Variants in GIMAP1 observed in about 807,000 individuals in gnomAD.
The protein encoded by GIMAP1 is GTPase IMAP family member 1.
For synonymous variants in GIMAP1, 230 were observed against 187.7 expected, an observed-to-expected ratio of 1.23 and a Z score of -1.84; for missense variants, 423 against 411.9, an observed-to-expected ratio of 1.03 and a Z score of -0.23.
At chr7:150,716,943 T>C (rs894202387) in intron 1 of GIMAP1, among the ~76,000 whole-genome samples, 2 of 152,100 alleles carry the variant, frequency 1.3e-5, no homozygotes, top group African/African-American at 4.8e-5. Context: ...TCCTCCCACA[T>C]TCCCTTAACA....
chr7:150,722,844 T>C lies in GIMAP1; in HGVS notation c.*1919T>C, dbSNP rs1758903799. On this transcript the variant is annotated 3_prime_UTR_variant, in exon 3 of 3. Transcript: ENST00000307194. ...TCGTAACTTCCAGGTCGTGGGATTGTTGCTATGGAAAGGAGCCAAAACTTC... is the reference window on the plus strand; with the variant it reads ...TCGTAACTTCCAGGTCGTGGGATTGCTGCTATGGAAAGGAGCCAAAACTTC... 6.6e-6 allele frequency: 1 copy of C among 152,232 alleles called. No individual in the cohort carries two copies. The highest frequency in any genetic ancestry group is 2.1e-4 in the South Asian group (1 of 4,832). 9.4% of individuals were successfully genotyped at this position (152,232 alleles called of 1,614,324 possible).
rs1278457798 is a variant in GIMAP1 at position 150,721,894 on chromosome 7, C to A, written c.*969C>A. ...TGGTTATTCATATTTTTATCACACA[C>A]ACACACACACACACACACACACACA... On this transcript the variant is annotated 3_prime_UTR_variant, in exon 3 of 3. Coordinates refer to ENST00000307194, the MANE Select transcript of GIMAP1 (RefSeq NM_130759.4). The A allele has an allele frequency of 8.3e-6, 1 of 120,724 alleles. No homozygotes were observed. The highest frequency in any genetic ancestry group is 1.8e-5 in the Non-Finnish European group (1 of 54,622). The allele number at this position is 120,724 out of a possible 1,614,324, so 7.5% of individuals were successfully genotyped here.
rs1400728408 is a variant in GIMAP1, at chr7:150,721,038, A to C, written c.*113A>C. 1 of 1,059,504 alleles carries C rather than the reference A, an allele frequency of 9.4e-7. No individual in the cohort carries two copies. The highest frequency in any genetic ancestry group is 1.3e-6 in the Non-Finnish European group (1 of 783,064). 65.6% of individuals were successfully genotyped at this position (1,059,504 alleles called of 1,614,324 possible). On this transcript the variant is annotated 3_prime_UTR_variant, in exon 3 of 3. Transcript: ENST00000307194. ...ATCCTGTAGTTTCAGGCATAGTTTTAATGACACAGAAAACTTTGCTGCATC... is the reference window on the plus strand; with the variant it reads ...ATCCTGTAGTTTCAGGCATAGTTTTCATGACACAGAAAACTTTGCTGCATC...
At chr7:150,718,957 C>A in intron 1 of GIMAP1, 85 bp from the exon 2 acceptor site, 1 of 1,548,302 alleles carries the variant, frequency 6.5e-7, no homozygotes, top group Non-Finnish European at 8.9e-7. Context: ...GCCTGACACC[C>A]TGTAGGTGGT....
Position 150,720,556 on chromosome 7 carries a change from G to A in GIMAP1, c.552G>A (p.Arg184=). The A allele has an allele frequency of 6.2e-7, 1 of 1,613,246 alleles. No individual in the cohort carries two copies. Among genetic ancestry groups the A allele is most frequent in the Non-Finnish European group, 8.5e-7 (1 of 1,179,596 alleles). ...AGCTGGTGGCCGAGTGCGGGGGCCG[G>A]GTCTGTGCCTTTGATAACCGGGCCA... is the stretch of plus-strand genomic sequence containing the variant. ...LRELVAECGG[R]VCAFDNRATG... is the part of the protein sequence containing the mutation. Residue 184 remains arginine, a synonymous_variant, in exon 3 of 3, where the codon CGG becomes CGA. Coordinates refer to ENST00000307194, the MANE Select transcript of GIMAP1 (RefSeq NM_130759.4). This position sits in a 1 kb window ranked among gnomAD's most constrained non-coding sequence, Gnocchi z 4.5.
Position 150,723,112 on chromosome 7 carries a change from T to C in GIMAP1, c.*2187T>C, listed in dbSNP as rs1473287482. 1 of 152,218 alleles carries C rather than the reference T, an allele frequency of 6.6e-6. No individual in the cohort carries two copies. The highest frequency in any genetic ancestry group is 2.4e-5 in the African/African-American group (1 of 41,454). 9.4% of individuals were successfully genotyped at this position (152,218 alleles called of 1,614,324 possible). On this transcript the variant is annotated 3_prime_UTR_variant, in exon 3 of 3. Transcript: ENST00000307194. ...CCAATCTGAATCTCAAAATGTGCTA[T>C]CATCTTTGAATTTGAATAATGTATT...
Position 150,720,056 on chromosome 7 carries a change from G to C in GIMAP1, c.52G>C (p.Glu18Gln). ...AACACTTGGTCTCACAGGTTTAGAA[G>C]AGAACGCTCAGTCCCGGCAGGAGTC... ...TDEENVYGLEENAQSRQESTR... is the reference protein window; with the variant it reads ...TDEENVYGLEQNAQSRQESTR... The change falls in exon 3 of 3, where the codon GAG (glutamate) becomes CAG (glutamine). Residue 18 changes from glutamate to glutamine, a missense_variant. Coordinates refer to ENST00000307194, the MANE Select transcript of GIMAP1 (RefSeq NM_130759.4). The surrounding 1 kb of genome is among the most constrained non-coding windows in gnomAD (Gnocchi z 4.5). The C allele has an allele frequency of 6.3e-7, 1 of 1,593,848 alleles. No homozygotes were observed. The highest frequency in any genetic ancestry group is 8.6e-7 in the Non-Finnish European group (1 of 1,168,608).
In GIMAP1 at chr7:150,721,133, G is replaced by A. The variant is rs1269443301; in HGVS notation, c.*208G>A. On this transcript the variant is annotated 3_prime_UTR_variant, in exon 3 of 3. Transcript: ENST00000307194. ...TTAACTCATTTTAAATGATGTGTAT[G>A]CAGAGTTTTAAAATAAATTCGTCTA... is the stretch of plus-strand genomic sequence containing the variant. 2 of 446,362 alleles carry A rather than the reference G, an allele frequency of 4.5e-6. No homozygotes were observed. The highest frequency in any genetic ancestry group is 6.5e-5 in the South Asian group (1 of 15,270). The allele number at this position is 446,362 out of a possible 1,614,324, so 27.7% of individuals were successfully genotyped here. A position where few individuals can be genotyped will look rare whatever the true frequency, so the allele number is the denominator to read the frequency against.
rs765400874 is a variant in GIMAP1 at position 150,720,664 on chromosome 7, C to T, written c.660C>T (p.Tyr220=). The T allele has an allele frequency of 1.2e-6, 2 of 1,605,868 alleles. No individual in the cohort carries two copies. The highest frequency in any genetic ancestry group is 1.7e-6 in the Non-Finnish European group (2 of 1,176,052). ...TGCTGGAGCACAAGGGCGCCCATTACTCCAACGAGGTGTATGAGCTGGCGC... is the reference window on the plus strand; with the variant it reads ...TGCTGGAGCACAAGGGCGCCCATTATTCCAACGAGGTGTATGAGCTGGCGC... ...GLVLEHKGAH[Y]SNEVYELAQV... is the part of the protein sequence containing the mutation. The change falls in exon 3 of 3, where the codon TAC becomes TAT. Residue 220 remains tyrosine (Y), a synonymous_variant. Coordinates refer to ENST00000307194, the MANE Select transcript of GIMAP1 (RefSeq NM_130759.4). This position sits in a 1 kb window ranked among gnomAD's most constrained non-coding sequence, Gnocchi z 4.5.
rs1208024658 is a variant in GIMAP1 at position 150,723,602 on chromosome 7, TC to T, written c.*2682del. 1 of 152,170 alleles carries T rather than the reference TC, an allele frequency of 6.6e-6. No individual in the cohort carries two copies. The highest frequency in any genetic ancestry group is 2.4e-5 in the African/African-American group (1 of 41,420). 9.4% of individuals were successfully genotyped at this position (152,170 alleles called of 1,614,324 possible). A position where few individuals can be genotyped will look rare whatever the true frequency, so the allele number is the denominator to read the frequency against. On this transcript the variant is annotated 3_prime_UTR_variant, in exon 3 of 3. Transcript: ENST00000307194. Reference sequence around the variant, plus strand: ...AGGCTGTGGCTTAAAGGTTGCTTTTTCCCCCATAGCTCAAGGTTAGGCCTTG... The same window carrying T: ...AGGCTGTGGCTTAAAGGTTGCTTTTTCCCCATAGCTCAAGGTTAGGCCTTG...
At chr7:150,716,960 G>A (rs1797225700) in intron 1 of GIMAP1, among the ~76,000 whole-genome samples, 1 of 152,122 alleles carries the variant, frequency 6.6e-6, no homozygotes, top group Non-Finnish European at 1.5e-5. Flanking sequence ...AACAAAGTAA[G>A]AAAAGAGTGT....
chr7:150,720,858 C>A lies in GIMAP1; in HGVS notation c.854C>A (p.Ala285Glu). The change falls in exon 3 of 3, where the codon GCG (alanine) becomes GAG (glutamate). Residue 285 changes from alanine (A) to glutamate (E), a missense_variant. Ala to Glu is a moderately radical substitution (Grantham distance 107). Coordinates refer to ENST00000307194, the MANE Select transcript of GIMAP1 (RefSeq NM_130759.4). The surrounding 1 kb of genome is among the most constrained non-coding windows in gnomAD (Gnocchi z 4.5). ...GGCCTGGCCCTGCTGCTGGGGGGCG[C>A]GCTCCTGTTCTGGGTGCTGCTCCAC... ...RLGLALLLGG[A>E]LLFWVLLHRR... 1 of 1,605,138 alleles carries A rather than the reference C, an allele frequency of 6.2e-7. No homozygotes were observed. The highest frequency in any genetic ancestry group is 8.5e-7 in the Non-Finnish European group (1 of 1,178,700).
chr7:150,723,473 G>T lies in GIMAP1; in HGVS notation c.*2548G>T, dbSNP rs1797336856. ...AAATTTACTTCCCTTCAAGCACAGG[G>T]TCCCCCAAATTACTGTATTTCCACC... is the stretch of plus-strand genomic sequence containing the variant. On this transcript the variant is annotated 3_prime_UTR_variant, in exon 3 of 3. Coordinates refer to ENST00000307194, the MANE Select transcript of GIMAP1 (RefSeq NM_130759.4). 1.3e-5 allele frequency: 2 copies of T among 152,056 alleles called. No individual in the cohort carries two copies. Among genetic ancestry groups the T allele is most frequent in the Admixed American group, 6.5e-5 (1 of 15,268 alleles). 9.4% of individuals were successfully genotyped at this position (152,056 alleles called of 1,614,324 possible).
In GIMAP1 at chr7:150,722,135, A is replaced by G. The variant is rs1476451301; in HGVS notation, c.*1210A>G. 1 of 152,188 alleles carries G rather than the reference A, an allele frequency of 6.6e-6. No homozygotes were observed. Among genetic ancestry groups the G allele is most frequent in the African/African-American group, 2.4e-5 (1 of 41,446 alleles). 9.4% of individuals were successfully genotyped at this position (152,188 alleles called of 1,614,324 possible). On this transcript the variant is annotated 3_prime_UTR_variant, in exon 3 of 3. Coordinates refer to ENST00000307194, the MANE Select transcript of GIMAP1 (RefSeq NM_130759.4). ...CAAACAATAGGATTTCCTTATTTCT[A>G]TTTCTGAGCATAATGAGAACCCTTT...
chr7:150,718,056 G>C (rs548124703), intron 1 of GIMAP1, among the ~76,000 whole-genome samples: 1 of 150,320 alleles, frequency 6.7e-6, no homozygotes, highest in Non-Finnish European at 1.5e-5. Context: ...ACAGATGGTC[G>C]GGGAGGATCA....
intron 2 of GIMAP1, 75 bp from the exon 3 acceptor site, chr7:150,719,973 T>C: frequency 6.7e-7 from 1 of 1,490,774 alleles, no homozygotes; most frequent in East Asian, 2.3e-5. Flanking sequence ...CCACTTATGC[T>C]AAAGGCAAGA....
chr7:150,716,747 C>G (rs1450447565), intron 1 of GIMAP1, 57 bp downstream of exon 1: 3 of 152,206 alleles, frequency 2.0e-5, no homozygotes, highest in Non-Finnish European at 4.4e-5. Context: ...CCAGAAAGAA[C>G]ATGATTCCTA....
chr7:150,720,857 G>C lies in GIMAP1; in HGVS notation c.853G>C (p.Ala285Pro), dbSNP rs763031437. The change falls in exon 3 of 3, where the codon GCG becomes CCG. Residue 285 changes from alanine to proline, a missense_variant. Transcript: ENST00000307194. This position sits in a 1 kb window ranked among gnomAD's most constrained non-coding sequence, Gnocchi z 4.5. The stretch of plus-strand genomic sequence containing the variant: ...GGGCCTGGCCCTGCTGCTGGGGGGC[G>C]CGCTCCTGTTCTGGGTGCTGCTCCA... ...RLGLALLLGGALLFWVLLHRR... is the reference protein window; with the variant it reads ...RLGLALLLGGPLLFWVLLHRR... 8.2e-5 allele frequency: 131 copies of C among 1,605,648 alleles called. No individual in the cohort carries two copies. The highest frequency in any genetic ancestry group is 1.1e-4 in the Non-Finnish European group (128 of 1,178,884).
chr7:150,720,947 A>G lies in GIMAP1; in HGVS notation c.*22A>G, dbSNP rs1398210263. 8.0e-6 allele frequency: 12 copies of G among 1,495,716 alleles called. No individual in the cohort carries two copies. The highest frequency in any genetic ancestry group is 1.1e-5 in the Non-Finnish European group (12 of 1,130,626). The allele number at this position is 1,495,716 out of a possible 1,614,324, so 92.7% of individuals were successfully genotyped here. A position where few individuals can be genotyped will look rare whatever the true frequency, so the allele number is the denominator to read the frequency against. ...CTGACAGCGCAGGTCCTAAAACTGA[A>G]GGCAACTTGGTTAAGGGAGGCTGAA... On this transcript the variant is annotated 3_prime_UTR_variant, in exon 3 of 3. Coordinates refer to ENST00000307194, the MANE Select transcript of GIMAP1 (RefSeq NM_130759.4). This position sits in a 1 kb window ranked among gnomAD's most constrained non-coding sequence, Gnocchi z 4.5.
Sources: gnomAD v4.1 joint callset for allele counts (sites outside exome capture counted in the v4.1 genomes callset) on GRCh38, gnomAD v4.1.1 for gene constraint, Gnocchi (gnomAD v3.1) non-coding constraint, MANE v1.5 for transcripts, NCBI Gene and HGNC (gene_info 2026-07-23, HGNC 2026-07-21) for gene names.